The following UBR4 variants were observed in gnomAD, a reference collection of about 807,000 sequenced individuals.
UBR4 encodes the protein E3 ubiquitin-protein ligase UBR4.
UBR4 carries 124 observed loss-of-function variants against 575.6 expected under a neutral mutation model. The ratio of observed to expected loss-of-function variants is 0.22; its 90% CI spans 0.19 to 0.25. UBR4 has a LOEUF of 0.25. UBR4 is among the 10% of genes least tolerant of loss of function. The pLI, the probability that UBR4 is intolerant of heterozygous loss-of-function variation, is 1.00. For missense variants in UBR4, 4,818 were observed against 6,478.8 expected (o/e 0.74, Z 8.80); for synonymous variants, 2,455 against 2,473.7 (o/e 0.99, Z 0.22).
chr1:19,131,272 AAC>A (rs2082418475), intron 60 of UBR4, among the ~76,000 whole-genome samples: 2 of 149,934 alleles, frequency 1.3e-5, no homozygotes, highest in South Asian at 4.2e-4. Flanking sequence ...AAAAAAAATA[AAC>A]ACAGCACCAA....
At chr1:19,203,090 A>G (rs1390081598) in intron 1 of UBR4, among the ~76,000 whole-genome samples, 1 of 152,008 alleles carries the variant, frequency 6.6e-6, no homozygotes, top group African/African-American at 2.4e-5. Context: ...GAGAAAAAAA[A>G]AAAGAAAGAA....
At chr1:19,140,477 A>T (rs2083747391) in intron 58 of UBR4, among the ~76,000 whole-genome samples, 1 of 152,234 alleles carries the variant, frequency 6.6e-6, no homozygotes, top group Non-Finnish European at 1.5e-5. Flanking sequence ...AAATGTTAGA[A>T]CTCTGACAAA....
At position 19,156,090 on chromosome 1, in the gene UBR4, C is replaced by A. The variant is rs535100589; in HGVS notation, c.6072+181G>T. 2.6e-5 allele frequency among the ~76,000 whole-genome samples: 4 copies of A among 152,286 alleles called. No homozygotes were observed. The South Asian group carries it at 8.3e-4, about 32-fold the overall frequency. On this transcript the variant is annotated intron_variant, in intron 42 of 105. Coordinates refer to ENST00000375254, the MANE Select transcript of UBR4 (RefSeq NM_020765.3). ...GGCGTGGCATGATCACAGCTCACTG[C>A]ACCCTTGAACTAAGCCTCAAGTAAT...
rs558491362 is a variant in UBR4 at position 19,145,788 on chromosome 1, C to T, written c.7945+5G>A. 293 of 1,613,708 alleles carry T rather than the reference C, an allele frequency of 1.8e-4. 1 individual carries two copies. In the South Asian group the frequency reaches 2.9e-3, roughly 16 times the overall value. On this transcript the variant is annotated splice_donor_5th_base_variant and intron_variant, in intron 53 of 105. Coordinates refer to ENST00000375254, the MANE Select transcript of UBR4 (RefSeq NM_020765.3). ...ACCAAGATTCAAATATCCCTTTTAA[C>T]ATACCTGGAAGGCAGGCAGGTGCCA...
At chr1:19,116,922 T>G (rs958863266) in intron 73 of UBR4, among the ~76,000 whole-genome samples, 3 of 152,154 alleles carry the variant, frequency 2.0e-5, no homozygotes, top group Admixed American at 1.3e-4. Context: ...TGTGTAAGAA[T>G]AGTTAAAATG....
chr1:19,162,287 T>C, intron 35 of UBR4, 133 bp downstream of exon 35: 1 of 1,098,706 alleles, frequency 9.1e-7, no homozygotes, highest in Non-Finnish European at 1.3e-6. Flanking sequence ...GCCTAGAAAA[T>C]TGGGGCCTGG....
At chr1:19,127,983 G>T (rs545764742) in intron 62 of UBR4, among the ~76,000 whole-genome samples, 1 of 152,264 alleles carries the variant, frequency 6.6e-6, no homozygotes, top group Non-Finnish European at 1.5e-5. Context: ...GCACAAAAGG[G>T]CCATGAGGGT....
chr1:19,097,688 G>A (rs1218580558), intron 90 of UBR4, among the ~76,000 whole-genome samples: 2 of 152,182 alleles, frequency 1.3e-5, no homozygotes, highest in Non-Finnish European at 2.9e-5. Flanking sequence ...TTCCAAGCCT[G>A]GACCTTCCTC....
At chr1:19,163,903 A>C in intron 33 of UBR4, 76 bp from the exon 34 acceptor site, 2 of 1,469,032 alleles carry the variant, frequency 1.4e-6, no homozygotes, top group Middle Eastern at 1.7e-4. Flanking sequence ...AGGCATCTTC[A>C]TTAACTTTGA....
At chr1:19,190,312 A>AAATATATATATATATAT in intron 11 of UBR4, among the ~76,000 whole-genome samples, 2 of 79,914 alleles carry the variant, frequency 2.5e-5, no homozygotes, top group Non-Finnish European at 4.6e-5. Context: ...AAAAAAAAAA[A>AAATATATATATATATAT]ATATATATAT....
intron 41 of UBR4, 41 bp from the exon 42 acceptor site, chr1:19,156,464 T>C (rs767026250): frequency 1.1e-5 from 18 of 1,599,668 alleles, no homozygotes; most frequent in Non-Finnish European, 1.5e-5. Context: ...AAAGATGATC[T>C]GAAAAGTGGG....
At chr1:19,142,735 A>G (rs965293782) in intron 55 of UBR4, among the ~76,000 whole-genome samples, 1 of 152,210 alleles carries the variant, frequency 6.6e-6, no homozygotes, top group African/African-American at 2.4e-5. Context: ...AATTTTTTAT[A>G]TTGACAAGAT....
At chr1:19,173,769 C>A in intron 22 of UBR4, 148 bp from the exon 23 acceptor site, 1 of 746,514 alleles carries the variant, frequency 1.3e-6, no homozygotes, top group South Asian at 1.9e-5. Flanking sequence ...AGTCCATTCT[C>A]CAGATCTTTC....
At chr1:19,162,318 T>C (rs946982497) in intron 35 of UBR4, 102 bp downstream of exon 35, 30 of 1,409,494 alleles carry the variant, frequency 2.1e-5, no homozygotes, top group African/African-American at 1.4e-5. Context: ...GACTAGGAAG[T>C]TTTGAAGCTC....
intron 60 of UBR4, among the ~76,000 whole-genome samples, chr1:19,131,850 G>T (rs754652415): frequency 1.1e-4 from 17 of 152,150 alleles, no homozygotes; most frequent in Non-Finnish European, 2.2e-4. Flanking sequence ...TCCAGCCTGG[G>T]CAACAAGAGT....
intron 67 of UBR4, 62 bp downstream of exon 67, chr1:19,121,872 G>A (rs1250314809): frequency 7.6e-6 from 12 of 1,574,964 alleles, no homozygotes; most frequent in African/African-American, 1.3e-5. Flanking sequence ...TTGGCATATA[G>A]TAGGCCTTAA....
chr1:19,154,043 A>T (rs2086093452), intron 44 of UBR4, 104 bp from the exon 45 acceptor site: 3 of 1,296,712 alleles, frequency 2.3e-6, no homozygotes, highest in Non-Finnish European at 3.2e-6. Flanking sequence ...ACTCCAAAGC[A>T]ATATCCTTGG....
chr1:19,095,098 A>C, intron 93 of UBR4, 73 bp from the exon 94 acceptor site: 15 of 1,608,086 alleles, frequency 9.3e-6, no homozygotes, highest in Non-Finnish European at 1.1e-5. Context: ...AATTGCTCTC[A>C]AGGATGCCCT....
At chr1:19,124,933 A>T (rs1401280187) in intron 64 of UBR4, among the ~76,000 whole-genome samples, 1 of 151,932 alleles carries the variant, frequency 6.6e-6, no homozygotes, top group Non-Finnish European at 1.5e-5. Flanking sequence ...AAGTCCTAAT[A>T]TTTCACTCTA....
Sources: allele counts gnomAD v4.1 joint callset (sites outside exome capture counted in the v4.1 genomes callset), GRCh38; gene constraint gnomAD v4.1.1; transcripts MANE v1.5; gene names NCBI Gene and HGNC (gene_info 2026-07-23, HGNC 2026-07-21).